NIPA2: variants seen among roughly 807,000 people sequenced by gnomAD.
NIPA2 encodes the protein magnesium transporter NIPA2.
In NIPA2, 11 loss-of-function variants were observed where a neutral mutation model predicts 29.7. That is an observed-to-expected ratio of 0.37 (90% CI 0.23 to 0.61). The LOEUF (loss-of-function observed/expected upper bound fraction) is 0.61. Ranked by LOEUF, NIPA2 falls within the 20% of genes least tolerant of loss-of-function variation. The pLI is 0.66. For synonymous variants in NIPA2, 183 were observed against 161.9 expected (o/e 1.13, Z -0.99); for missense variants, 426 against 437.9 (o/e 0.97, Z 0.24).
At chr15:22,853,978 C>T (rs1218121716) in intron 5 of NIPA2, among the ~76,000 whole-genome samples, 1 of 151,730 alleles carries the variant, frequency 6.6e-6, no homozygotes, top group Admixed American at 6.6e-5. Context: ...CTGGTGCGCA[C>T]CACTATGCCC....
intron 6 of NIPA2, 69 bp from the exon 7 acceptor site, chr15:22,860,560 G>T: frequency 9.8e-7 from 1 of 1,024,854 alleles, no homozygotes; most frequent in Non-Finnish European, 1.4e-6. Context: ...TAAATTACGA[G>T]TTTTATTGAT....
At chr15:22,847,426 C>T (rs904463914) in intron 3 of NIPA2, among the ~76,000 whole-genome samples, 9 of 151,876 alleles carry the variant, frequency 5.9e-5, no homozygotes, top group African/African-American at 2.2e-4. Context: ...TAATTAAGAA[C>T]ATTGCTTCAT....
At chr15:22,856,152 C>G in intron 5 of NIPA2, among the ~76,000 whole-genome samples, 1 of 152,210 alleles carries the variant, frequency 6.6e-6, no homozygotes, top group East Asian at 1.9e-4. Context: ...CTTGCCAGTC[C>G]TGTGAGTGAG....
intron 7 of NIPA2, among the ~76,000 whole-genome samples, chr15:22,865,881 C>T (rs897107731): frequency 6.6e-6 from 1 of 152,020 alleles, no homozygotes. Flanking sequence ...TCAAGGCCAC[C>T]TCATGGTTTC....
At position 22,858,527 on chromosome 15, in the gene NIPA2, G is replaced by T. The variant is rs764494783; in HGVS notation, c.197-13G>T. ...TTCTTACCTGAGTTTTTCTTTTGTT[G>T]TCTGTCTCTAAGTGGGAGCTGGTGA... On this transcript the variant is annotated splice_polypyrimidine_tract_variant and intron_variant, in intron 5 of 7. Transcript: ENST00000337451. The T allele has an allele frequency of 3.1e-6, 5 of 1,588,246 alleles. No homozygotes were observed. The East Asian group carries it at 9.0e-5, about 29-fold the overall frequency.
At chr15:22,861,769 G>A (rs981551451) in intron 7 of NIPA2, among the ~76,000 whole-genome samples, 7 of 151,996 alleles carry the variant, frequency 4.6e-5, no homozygotes, top group African/African-American at 1.2e-4. Context: ...AGACAGGGCC[G>A]TGTTGCCCAG....
chr15:22,853,298 A>G (rs368609204), intron 5 of NIPA2, 30 bp downstream of exon 5: 15 of 1,401,412 alleles, frequency 1.1e-5, no homozygotes, highest in African/African-American at 4.2e-5. Context: ...CAAGAAAAAT[A>G]TGATAGCTAT....
rs1488388549 is a variant in NIPA2, at chr15:22,868,289, G to GTGCTT, written c.*1445_*1449dup. 3.3e-5 allele frequency: 5 copies of GTGCTT among 152,174 alleles called. No individual in the cohort carries two copies. Among genetic ancestry groups the GTGCTT allele is most frequent in the African/African-American group, 1.2e-4 (5 of 41,426 alleles). The allele number at this position is 152,174 out of a possible 1,614,324, so 9.4% of individuals were successfully genotyped here. A position where few individuals can be genotyped will look rare whatever the true frequency, so the allele number is the denominator to read the frequency against. On this transcript the variant is annotated 3_prime_UTR_variant, in exon 8 of 8. Coordinates refer to ENST00000337451, the MANE Select transcript of NIPA2 (RefSeq NM_030922.7). ...CTGTTTATATACTGTACCTACATCT[G>GTGCTT]TGCTTTGTACATAAAAGAACCAGTT...
chr15:22,844,162 A>G (rs552209474), intron 2 of NIPA2, among the ~76,000 whole-genome samples: 5 of 152,350 alleles, frequency 3.3e-5, no homozygotes, highest in East Asian at 3.8e-4. Context: ...AAAGTGGACT[A>G]ATTTCATAAT....
At chr15:22,841,838 A>G (rs1897177267) in intron 2 of NIPA2, among the ~76,000 whole-genome samples, 1 of 151,998 alleles carries the variant, frequency 6.6e-6, no homozygotes, top group Non-Finnish European at 1.5e-5. Flanking sequence ...AATGTATCTC[A>G]CCTGCCCTCA....
intron 5 of NIPA2, among the ~76,000 whole-genome samples, chr15:22,853,685 C>A (rs1213014394): frequency 6.6e-6 from 1 of 150,506 alleles, no homozygotes; most frequent in Admixed American, 6.6e-5. Flanking sequence ...CTACTTTTTT[C>A]ATTTTTGTGA....
At position 22,866,218 on chromosome 15, in the gene NIPA2, G is replaced by A. The variant is rs1387308108; in HGVS notation, c.454G>A (p.Val152Met). The change falls in exon 8 of 8, where the codon GTG becomes ATG. Residue 152 changes from valine (V) to methionine (M), a missense_variant. Physicochemically the swap from Val to Met is conservative, Grantham distance 21. Transcript: ENST00000337451. ...CTTTTCTTTGCCTCCTCCAGGTTTTGTGGTCTTTGCAACCCTTGTGGTCAT... is the reference window on the plus strand; with the variant it reads ...CTTTTCTTTGCCTCCTCCAGGTTTTATGGTCTTTGCAACCCTTGTGGTCAT... ...MSHKLGDPGF[V>M]VFATLVVIVA... is the part of the protein sequence containing the mutation. The A allele has an allele frequency of 1.9e-6, 3 of 1,608,492 alleles. No individual in the cohort carries two copies. The highest frequency in any genetic ancestry group is 2.2e-5 in the South Asian group (2 of 90,794).
At chr15:22,861,601 G>A (rs1328346272) in intron 7 of NIPA2, among the ~76,000 whole-genome samples, 1 of 152,106 alleles carries the variant, frequency 6.6e-6, no homozygotes, top group Non-Finnish European at 1.5e-5. Context: ...AAATTGAACA[G>A]TTTATCCCTT....
intron 5 of NIPA2, among the ~76,000 whole-genome samples, chr15:22,853,678 C>CT (rs1344387242): frequency 6.6e-6 from 1 of 150,480 alleles, no homozygotes; most frequent in Non-Finnish European, 1.5e-5. Flanking sequence ...ACCCGGCCTA[C>CT]TTTTTTCATT....
At chr15:22,852,120 T>A (rs1322338284) in intron 4 of NIPA2, among the ~76,000 whole-genome samples, 1 of 152,204 alleles carries the variant, frequency 6.6e-6, no homozygotes, top group Non-Finnish European at 1.5e-5. Context: ...AATGCCCAAG[T>A]AATATCCAAC....
intron 2 of NIPA2, among the ~76,000 whole-genome samples, chr15:22,840,177 T>C (rs1157616503): frequency 6.6e-6 from 1 of 151,596 alleles, no homozygotes; most frequent in South Asian, 2.1e-4. Flanking sequence ...CACCTTGGCC[T>C]CCAAAGTGCG....
At chr15:22,858,877 T>G (rs1336801487) in intron 6 of NIPA2, among the ~76,000 whole-genome samples, 1 of 152,142 alleles carries the variant, frequency 6.6e-6, no homozygotes, top group Non-Finnish European at 1.5e-5. Flanking sequence ...TCGATTTCAG[T>G]TTTTTAATAT....
chr15:22,851,791 C>T lies in NIPA2; in HGVS notation c.60C>T (p.Ser20=), dbSNP rs1043397711. 2.5e-6 allele frequency: 4 copies of T among 1,613,404 alleles called. No individual in the cohort carries two copies. The highest frequency in any genetic ancestry group is 3.4e-6 in the Non-Finnish European group (4 of 1,179,638). Reference sequence around the variant, plus strand: ...TTGGTCTGGGATTGGCTATGAGCTCCAGCATTTTCATTGGAGGAAGTTTCA... The same window carrying T: ...TTGGTCTGGGATTGGCTATGAGCTCTAGCATTTTCATTGGAGGAAGTTTCA... ...FYIGLGLAMS[S]SIFIGGSFIL... Residue 20 remains serine (S), a synonymous_variant, in exon 4 of 8, where the codon TCC becomes TCT. Transcript: ENST00000337451.
intron 7 of NIPA2, among the ~76,000 whole-genome samples, chr15:22,865,090 G>T (rs1051350740): frequency 6.6e-6 from 1 of 151,986 alleles, no homozygotes; most frequent in Non-Finnish European, 1.5e-5. Flanking sequence ...TCGAACTCCT[G>T]ACCTCAGGTG....
Sources: gnomAD v4.1 joint callset for allele counts (sites outside exome capture counted in the v4.1 genomes callset) on GRCh38, gnomAD v4.1.1 for gene constraint, MANE v1.5 for transcripts, NCBI Gene and HGNC (gene_info 2026-07-23, HGNC 2026-07-21) for gene names.